PKHD1L1: variants seen among roughly 807,000 people sequenced by gnomAD.
The protein encoded by PKHD1L1 is fibrocystin-L.
In PKHD1L1, 434 loss-of-function variants were observed where a neutral mutation model predicts 462.9. The ratio of observed to expected loss-of-function variants is 0.94; its 90% CI spans 0.87 to 1.02. PKHD1L1 has a LOEUF of 1.02. Ranked by LOEUF, PKHD1L1 falls within the 50% of genes least tolerant of loss-of-function variation. The probability of loss-of-function intolerance (pLI) is 0.00; values close to 1 mark genes in which losing one functional copy is unlikely to be tolerated. For missense variants in PKHD1L1, 5,202 were observed against 5,096.1 expected (o/e 1.02, Z -0.63); for synonymous variants, 1,781 against 1,750.0 (o/e 1.02, Z -0.44).
In PKHD1L1 at chr8:109,398,464, C is replaced by A. The variant is rs188649530; in HGVS notation, c.928C>A (p.Pro310Thr). ...TGTATCTTGCTTCTCTATAGGTGAA[C>A]CTTGTGATATTTTGAATGTCACAGA... ...FPVRVLVGGE[P>T]CDILNVTENS... The change falls in exon 12 of 78, where the codon CCT (proline) becomes ACT (threonine). Residue 310 changes from proline to threonine, a missense_variant. By Grantham distance (38) the Pro-to-Thr change is conservative. This residue lies in a region of PKHD1L1 where 4,497 missense variants were observed against 4,336.8 expected (regional missense o/e 1.04). Coordinates refer to ENST00000378402, the MANE Select transcript of PKHD1L1 (RefSeq NM_177531.6). 47 of 1,545,926 alleles carry A rather than the reference C, an allele frequency of 3.0e-5. No homozygotes were observed. Among genetic ancestry groups the A allele is most frequent in the Middle Eastern group, 1.7e-4 (1 of 5,970 alleles).
chr8:109,414,053 C>CAGCTGTCAA (rs1814000199), intron 21 of PKHD1L1, among the ~76,000 whole-genome samples: 1 of 152,138 alleles, frequency 6.6e-6, no homozygotes, highest in African/African-American at 2.4e-5. Flanking sequence ...TTAATGACTA[C>CAGCTGTCAA]AGCTGTCATG....
chr8:109,365,119 C>T (rs1040463161), intron 2 of PKHD1L1, among the ~76,000 whole-genome samples: 5 of 152,100 alleles, frequency 3.3e-5, no homozygotes, highest in African/African-American at 9.7e-5. Context: ...GCATGAGTAC[C>T]GTACATGGTT....
chr8:109,514,196 C>T (rs1451588849), intron 71 of PKHD1L1, among the ~76,000 whole-genome samples: 1 of 152,098 alleles, frequency 6.6e-6, no homozygotes, highest in African/African-American at 2.4e-5. Flanking sequence ...AAACATTCTT[C>T]CCTAAGTGGC....
chr8:109,422,846 G>A (rs1586478031), intron 23 of PKHD1L1, among the ~76,000 whole-genome samples: 1 of 152,076 alleles, frequency 6.6e-6, no homozygotes, highest in African/African-American at 2.4e-5. Context: ...AGCAGTGTAC[G>A]ATCCAGTTTC....
Position 109,507,909 on chromosome 8 carries a change from T to A in PKHD1L1, c.11227+14T>A, listed in dbSNP as rs1247676085. On this transcript the variant is annotated intron_variant, in intron 69 of 77. Coordinates refer to ENST00000378402, the MANE Select transcript of PKHD1L1 (RefSeq NM_177531.6). ...CACCTCATAAAGGTTTGTTGGATCT[T>A]GCTTAATCTGTCATTAGGCCTTAAA... 1 of 1,612,130 alleles carries A rather than the reference T, an allele frequency of 6.2e-7. No homozygotes were observed. The highest frequency in any genetic ancestry group is 1.7e-5 in the Admixed American group (1 of 59,874).
At chr8:109,396,693 T>C (rs1475977391) in intron 11 of PKHD1L1, among the ~76,000 whole-genome samples, 1 of 152,190 alleles carries the variant, frequency 6.6e-6, no homozygotes. Context: ...TTATGTGTCC[T>C]GTCCAGATCT....
At chr8:109,529,300 C>T (rs1406316966) in intron 77 of PKHD1L1, among the ~76,000 whole-genome samples, 1 of 152,048 alleles carries the variant, frequency 6.6e-6, no homozygotes, top group Non-Finnish European at 1.5e-5. Context: ...TTGTTCTGGC[C>T]TCTTATAGCT....
intron 75 of PKHD1L1, 101 bp from the exon 76 acceptor site, chr8:109,523,132 A>G: frequency 8.3e-7 from 1 of 1,205,396 alleles, no homozygotes; most frequent in South Asian, 1.7e-5. Context: ...CAGATTTTCA[A>G]TTTATAATGA....
rs35840417 is a variant in PKHD1L1 at position 109,508,123 on chromosome 8, T to G, written c.11254T>G (p.Tyr3752Asp). Reference sequence around the variant, plus strand: ...AATTATTAGAGATTCAACCTGTAAGTACCTTCCAGAGTGGCAGAGCTATCA... The same window carrying G: ...AATTATTAGAGATTCAACCTGTAAGGACCTTCCAGAGTGGCAGAGCTATCA... ...KGIIRDSTCK[Y>D]LPEWQSYQCF... Residue 3752 changes from tyrosine to aspartate, a missense_variant, in exon 70 of 78, where the codon TAC becomes GAC. Transcript: ENST00000378402. 96 of 1,611,670 alleles carry G rather than the reference T, an allele frequency of 6.0e-5. No individual in the cohort carries two copies. The African/African-American group carries it at 1.1e-3, about 18-fold the overall frequency.
chr8:109,419,202 G>T lies in PKHD1L1; in HGVS notation c.2466G>T (p.Gln822His). Residue 822 changes from glutamine to histidine, a missense_variant, in exon 22 of 78, where the codon CAG (glutamine) becomes CAT (histidine). By Grantham distance (24) the Gln-to-His change is conservative. Transcript: ENST00000378402. ...GCTTACATAAAGCATCAGAATCACAGTCCTTCTATGTGGATGTAGTGTACA... is the reference window on the plus strand; with the variant it reads ...GCTTACATAAAGCATCAGAATCACATTCCTTCTATGTGGATGTAGTGTACA... ...RISLHKASES[Q>H]SFYVDVVYIG... The T allele has an allele frequency of 6.2e-7, 1 of 1,613,010 alleles. No homozygotes were observed. Among genetic ancestry groups the T allele is most frequent in the Non-Finnish European group, 8.5e-7 (1 of 1,179,338 alleles).
Position 109,426,983 on chromosome 8 carries a change from C to T in PKHD1L1, c.2846-19C>T. On this transcript the variant is annotated intron_variant, in intron 24 of 77. Coordinates refer to ENST00000378402, the MANE Select transcript of PKHD1L1 (RefSeq NM_177531.6). Reference sequence around the variant, plus strand: ...GTGAATTGTGACTCCTGCTGTTTGCCACCCCTCTGTGAGTGCAGGCCTCCC... The same window carrying T: ...GTGAATTGTGACTCCTGCTGTTTGCTACCCCTCTGTGAGTGCAGGCCTCCC... 1 of 1,322,378 alleles carries T rather than the reference C, an allele frequency of 7.6e-7. No homozygotes were observed. The highest frequency in any genetic ancestry group is 1.1e-6 in the Non-Finnish European group (1 of 915,598). The allele number at this position is 1,322,378 out of a possible 1,614,324, so 81.9% of individuals were successfully genotyped here.
At chr8:109,501,311 C>A (rs1819400867) in intron 67 of PKHD1L1, among the ~76,000 whole-genome samples, 1 of 152,126 alleles carries the variant, frequency 6.6e-6, no homozygotes, top group South Asian at 2.1e-4. Flanking sequence ...CTTATGCTCA[C>A]CCCTGTACCT....
chr8:109,499,932 T>C (rs1439780684), intron 67 of PKHD1L1, among the ~76,000 whole-genome samples: 1 of 152,154 alleles, frequency 6.6e-6, no homozygotes, highest in East Asian at 1.9e-4. Flanking sequence ...GGGACGGAAG[T>C]CATTTGTATC....
chr8:109,470,112 T>G (rs1009561592), intron 50 of PKHD1L1: 2 of 478,286 alleles, frequency 4.2e-6, no homozygotes, highest in Admixed American at 7.5e-5. Flanking sequence ...ATTTTAAATA[T>G]ACAACATAAT....
intron 32 of PKHD1L1, among the ~76,000 whole-genome samples, chr8:109,439,460 G>C (rs1039173964): frequency 1.3e-5 from 2 of 152,030 alleles, no homozygotes; most frequent in Non-Finnish European, 2.9e-5. Flanking sequence ...AATTTTCTTG[G>C]AGAGAGAGAT....
intron 73 of PKHD1L1, among the ~76,000 whole-genome samples, chr8:109,521,322 G>C (rs1199128952): frequency 6.6e-6 from 1 of 152,150 alleles, no homozygotes; most frequent in Non-Finnish European, 1.5e-5. Flanking sequence ...AGGAACAAGG[G>C]ATTAGCAAGG....
intron 20 of PKHD1L1, 85 bp from the exon 21 acceptor site, chr8:109,413,332 ATATT>A (rs1813958031): frequency 1.1e-6 from 1 of 932,480 alleles, no homozygotes; most frequent in African/African-American, 1.7e-5. Flanking sequence ...TGCTCAATAA[ATATT>A]TATTGACTTT....
At chr8:109,395,065 G>A (rs939399532) in intron 10 of PKHD1L1, among the ~76,000 whole-genome samples, 3 of 152,236 alleles carry the variant, frequency 2.0e-5, no homozygotes, top group African/African-American at 2.4e-5. Context: ...GCTCAGCATC[G>A]GGAGAGAGTA....
rs772867101 is a variant in PKHD1L1 at position 109,507,675 on chromosome 8, A to G, written c.11007A>G (p.Pro3669=). The G allele has an allele frequency of 2.0e-5, 32 of 1,612,982 alleles. 1 individual carries two copies. In the South Asian group the frequency reaches 3.0e-4, roughly 15 times the overall value. The part of the protein sequence containing the change: ...IHRPDISKVN[P]SDCVDMVCDA... ...CTTTTCTCCACAGTAAGGTCAATCC[A>G]TCTGATTGTGTAGACATGGTTTGTG... Residue 3669 remains proline (P), a synonymous_variant, in exon 69 of 78, where the codon CCA becomes CCG. Coordinates refer to ENST00000378402, the MANE Select transcript of PKHD1L1 (RefSeq NM_177531.6).
Sources: gnomAD v4.1 joint callset for allele counts (sites outside exome capture counted in the v4.1 genomes callset) on GRCh38, gnomAD v4.1.1 for gene constraint, gnomAD v4.1.1 regional missense constraint, MANE v1.5 for transcripts, NCBI Gene and HGNC (gene_info 2026-07-23, HGNC 2026-07-21) for gene names.